Variants in THADA observed in about 807,000 individuals in gnomAD.
THADA encodes the protein tRNA (32-2'-O)-methyltransferase regulator THADA.
A neutral mutation model predicts 219.8 loss-of-function variants in THADA; 213 were observed. The ratio of observed to expected loss-of-function variants is 0.97; its 90% CI spans 0.87 to 1.09. The LOEUF is 1.09. Ranked by LOEUF, THADA falls within the 50% of genes least tolerant of loss-of-function variation. The probability of loss-of-function intolerance (pLI) is 0.00; values close to 1 mark genes in which losing one functional copy is unlikely to be tolerated. For missense variants in THADA, 2,956 were observed against 2,311.3 expected (o/e 1.28, Z -5.72); for synonymous variants, 1,018 against 828.9 (o/e 1.23, Z -3.92).
chr2:43,347,890 G>T (rs1033132507), intron 29 of THADA, among the ~76,000 whole-genome samples: 1 of 152,182 alleles, frequency 6.6e-6, no homozygotes, highest in African/African-American at 2.4e-5. Context: ...CATGGAATGT[G>T]TACTTTATTC....
chr2:43,336,567 C>A (rs1364807474), intron 30 of THADA, among the ~76,000 whole-genome samples: 1 of 151,990 alleles, frequency 6.6e-6, no homozygotes, highest in Admixed American at 6.5e-5. Flanking sequence ...CCACTGCACT[C>A]GTCCCCAATT....
chr2:43,248,038 A>G (rs997743421), intron 36 of THADA, among the ~76,000 whole-genome samples: 6 of 149,378 alleles, frequency 4.0e-5, no homozygotes, highest in Admixed American at 2.7e-4. Context: ...GCAAAACCCT[A>G]TCTTAAAGCA....
chr2:43,498,023 A>T (rs1441393377), intron 25 of THADA, among the ~76,000 whole-genome samples: 1 of 152,252 alleles, frequency 6.6e-6, no homozygotes, highest in East Asian at 1.9e-4. Context: ...AATTAAAAAA[A>T]GAAAATGTGG....
At chr2:43,373,074 G>GA (rs1456925869) in intron 29 of THADA, among the ~76,000 whole-genome samples, 1 of 151,530 alleles carries the variant, frequency 6.6e-6, no homozygotes, top group Non-Finnish European at 1.5e-5. Context: ...AAACAAAGAG[G>GA]AAAAAAAGAA....
chr2:43,483,095 G>C (rs948080648), intron 26 of THADA, among the ~76,000 whole-genome samples: 7 of 152,118 alleles, frequency 4.6e-5, no homozygotes, highest in African/African-American at 1.7e-4. Flanking sequence ...CTCTGACCAA[G>C]AACACACATT....
In THADA at chr2:43,572,861, C is replaced by T. The variant is rs377538801; in HGVS notation, c.1861G>A (p.Val621Met). Residue 621 changes from valine (V) to methionine (M), a missense_variant, in exon 12 of 38, where the codon GTG becomes ATG. Val to Met is a conservative substitution (Grantham distance 21). Coordinates refer to ENST00000405975, the MANE Select transcript of THADA (RefSeq NM_022065.5). Reference protein sequence around the residue: ...QSATDTWENLVSDARIKQGLI... With the variant: ...QSATDTWENLMSDARIKQGLI... ...CCTTGCTTTATTCTTGCATCAGACACGAGGTTCTCCCAGGTATCAGTTGCA... is the reference window on the plus strand; with the variant it reads ...CCTTGCTTTATTCTTGCATCAGACATGAGGTTCTCCCAGGTATCAGTTGCA... 7.4e-6 allele frequency: 12 copies of T among 1,613,754 alleles called. No homozygotes were observed. The highest frequency in any genetic ancestry group is 1.7e-5 in the Admixed American group (1 of 59,980).
intron 22 of THADA, among the ~76,000 whole-genome samples, chr2:43,513,797 C>T (rs1248251039): frequency 1.3e-5 from 2 of 152,090 alleles, no homozygotes; most frequent in African/African-American, 4.8e-5. Context: ...AGTAATAACA[C>T]ACATTCACTC....
chr2:43,412,960 T>C (rs1676477348), intron 28 of THADA, among the ~76,000 whole-genome samples: 1 of 152,172 alleles, frequency 6.6e-6, no homozygotes, highest in East Asian at 1.9e-4. Context: ...GTCTCATAAC[T>C]ACCTTCAAAT....
intron 26 of THADA, among the ~76,000 whole-genome samples, chr2:43,460,062 G>C (rs950815066): frequency 5.3e-5 from 8 of 151,916 alleles, no homozygotes; most frequent in Non-Finnish European, 1.2e-4. Flanking sequence ...CTAGAAGGTT[G>C]ATACTGGAAA....
At chr2:43,332,042 A>G (rs1665846873) in intron 30 of THADA, among the ~76,000 whole-genome samples, 2 of 152,198 alleles carry the variant, frequency 1.3e-5, no homozygotes, top group Admixed American at 1.3e-4. Flanking sequence ...AAGGTACTAT[A>G]CAAGTGTAAC....
chr2:43,455,876 C>A (rs1020821812), intron 26 of THADA, among the ~76,000 whole-genome samples: 1 of 152,174 alleles, frequency 6.6e-6, no homozygotes, highest in Non-Finnish European at 1.5e-5. Context: ...TTCCAGCTAA[C>A]CAACTTTTAC....
chr2:43,528,036 CA>C, intron 21 of THADA, 48 bp from the exon 22 acceptor site: 1 of 1,417,702 alleles, frequency 7.1e-7, no homozygotes, highest in Non-Finnish European at 9.9e-7. Flanking sequence ...TTTACATTCG[CA>C]AGTGTATTTA....
At chr2:43,329,936 T>G (rs1472705472) in intron 30 of THADA, among the ~76,000 whole-genome samples, 1 of 152,234 alleles carries the variant, frequency 6.6e-6, no homozygotes, top group East Asian at 1.9e-4. Context: ...TTAGCACTTT[T>G]ATGTTTACAC....
chr2:43,507,725 T>C (rs955151465), intron 23 of THADA, among the ~76,000 whole-genome samples: 4 of 152,234 alleles, frequency 2.6e-5, no homozygotes, highest in Non-Finnish European at 5.9e-5. Flanking sequence ...TATACCACCA[T>C]ATTCCCGGAT....
chr2:43,547,619 TCTTCC>T (rs1340868264), intron 20 of THADA, among the ~76,000 whole-genome samples: 1 of 152,240 alleles, frequency 6.6e-6, no homozygotes, highest in Non-Finnish European at 1.5e-5. Flanking sequence ...ATTCATTTCA[TCTTCC>T]ATCACTGATA....
chr2:43,581,137 CCA>C (rs1700396948), intron 8 of THADA, among the ~76,000 whole-genome samples: 1 of 151,932 alleles, frequency 6.6e-6, no homozygotes, highest in African/African-American at 2.4e-5. Flanking sequence ...TAATAATAAA[CCA>C]CAGATTCCAA....
chr2:43,475,715 A>T (rs1170807587), intron 26 of THADA, among the ~76,000 whole-genome samples: 1 of 152,218 alleles, frequency 6.6e-6, no homozygotes, highest in Non-Finnish European at 1.5e-5. Context: ...AAAGACACAC[A>T]CTTTGTTCCT....
chr2:43,505,633 T>C lies in THADA; in HGVS notation c.3610A>G (p.Thr1204Ala), dbSNP rs771799454. The change falls in exon 24 of 38, where the codon ACA becomes GCA. Residue 1204 changes from threonine (T) to alanine (A), a missense_variant. Transcript: ENST00000405975. Reference protein sequence around the residue: ...LAGPTDDIQSTVPQVHALNIL... With the variant: ...LAGPTDDIQSAVPQVHALNIL... ...ATTTCCATGATTACCTGGGGGACTG[T>C]ACTCTGTATGTCATCTGTAGGCCCA... 8 of 1,589,834 alleles carry C rather than the reference T, an allele frequency of 5.0e-6. No homozygotes were observed. The highest frequency in any genetic ancestry group is 1.3e-5 in the African/African-American group (1 of 74,646).
chr2:43,297,740 C>T (rs111364668), intron 31 of THADA, among the ~76,000 whole-genome samples: 2 of 120,860 alleles, frequency 1.7e-5, no homozygotes, highest in East Asian at 2.4e-4. Context: ...GTCGGCCCCC[C>T]GCCCGGCCAG....
Sources: allele counts gnomAD v4.1 joint callset (sites outside exome capture counted in the v4.1 genomes callset), GRCh38; gene constraint gnomAD v4.1.1; transcripts MANE v1.5; gene names NCBI Gene and HGNC (gene_info 2026-07-23, HGNC 2026-07-21).